Variants in COL24A1 observed in about 807,000 individuals in gnomAD.
COL24A1 encodes collagen alpha-1(XXIV) chain.
In COL24A1, 224 loss-of-function variants were observed where a neutral mutation model predicts 253.9. That is an observed-to-expected ratio of 0.88 (90% CI 0.79 to 0.99). COL24A1 has a LOEUF of 0.99. Among genes scored for constraint, COL24A1 ranks in the 50% least tolerant of loss-of-function variants. The pLI, the probability that COL24A1 is intolerant of heterozygous loss-of-function variation, is 0.00. For missense variants in COL24A1, 2,131 were observed against 2,068.5 expected, an observed-to-expected ratio of 1.03 and a Z score of -0.59; for synonymous variants, 685 against 673.7, an observed-to-expected ratio of 1.02 and a Z score of -0.26.
At chr1:85,857,458 CAAAAA>C (rs57368737) in intron 37 of COL24A1, among the ~76,000 whole-genome samples, 1 of 94,494 alleles carries the variant, frequency 1.1e-5, no homozygotes, top group Admixed American at 1.2e-4. Flanking sequence ...CCCTCTTCTC[CAAAAA>C]AAAAAAAAAA....
At chr1:85,769,000 A>ACC (rs1667674239) in intron 53 of COL24A1, among the ~76,000 whole-genome samples, 1 of 2,736 alleles carries the variant, frequency 3.7e-4, no homozygotes, top group Admixed American at 6.1e-3. Context: ...CACAGAATTC[A>ACC]ATAAATTCAA....
chr1:86,019,215 C>T (rs1697263353), intron 18 of COL24A1, among the ~76,000 whole-genome samples: 2 of 152,100 alleles, frequency 1.3e-5, no homozygotes, highest in African/African-American at 2.4e-5. Context: ...GTGTCTCCTT[C>T]TATAAGAAGG....
At chr1:86,141,125 G>A (rs1474684415) in intron 2 of COL24A1, among the ~76,000 whole-genome samples, 2 of 152,086 alleles carry the variant, frequency 1.3e-5, no homozygotes. Flanking sequence ...ACAAATTTTT[G>A]GAAAATGAAA....
intron 2 of COL24A1, among the ~76,000 whole-genome samples, chr1:86,129,560 C>T (rs1648837212): frequency 6.6e-6 from 1 of 151,552 alleles, no homozygotes; most frequent in Non-Finnish European, 1.5e-5. Flanking sequence ...TTCCTGAGTG[C>T]TGCTTTAGCT....
chr1:85,856,733 G>C (rs1678478473), intron 37 of COL24A1, among the ~76,000 whole-genome samples: 1 of 152,090 alleles, frequency 6.6e-6, no homozygotes, highest in South Asian at 2.1e-4. Context: ...TTAGTAAAAT[G>C]GTTTTCTTTC....
chr1:86,141,478 C>G (rs1035160699), intron 2 of COL24A1, among the ~76,000 whole-genome samples: 1 of 152,142 alleles, frequency 6.6e-6, no homozygotes, highest in East Asian at 1.9e-4. Context: ...ATCCTCCCCC[C>G]ATCAACCCAA....
At chr1:85,873,609 G>A (rs1336497613) in intron 35 of COL24A1, among the ~76,000 whole-genome samples, 2 of 152,174 alleles carry the variant, frequency 1.3e-5, no homozygotes, top group Non-Finnish European at 2.9e-5. Flanking sequence ...AACACTGCAT[G>A]TTCTCACTTA....
intron 18 of COL24A1, among the ~76,000 whole-genome samples, chr1:86,020,049 T>C (rs150772100): frequency 0.011 from 1,674 of 146,854 alleles, 28 homozygotes; most frequent in African/African-American, 0.041. Flanking sequence ...AAACTTTCTT[T>C]TTTCATTCTT....
chr1:86,017,594 T>C (rs542670616), intron 18 of COL24A1, among the ~76,000 whole-genome samples: 1 of 152,268 alleles, frequency 6.6e-6, no homozygotes, highest in East Asian at 1.9e-4. Flanking sequence ...AAAATTCCTC[T>C]CTCCTTTGAT....
intron 37 of COL24A1, among the ~76,000 whole-genome samples, chr1:85,860,285 C>T (rs1180735051): frequency 1.3e-5 from 2 of 152,098 alleles, no homozygotes; most frequent in East Asian, 1.9e-4. Flanking sequence ...AGTTGTGTAA[C>T]CATCACCAAA....
intron 17 of COL24A1, 43 bp downstream of exon 17, chr1:86,022,495 A>T (rs769261573): frequency 6.6e-7 from 1 of 1,526,106 alleles, no homozygotes; most frequent in Non-Finnish European, 9.0e-7. Context: ...TTTTGAATTT[A>T]CACTTTTTCA....
intron 46 of COL24A1, 48 bp from the exon 47 acceptor site, chr1:85,816,943 T>A: frequency 1.5e-6 from 2 of 1,314,052 alleles, no homozygotes; most frequent in Non-Finnish European, 2.2e-6. Flanking sequence ...GAAAAGATGT[T>A]AAGATGACAA....
chr1:85,997,553 C>T (rs1022428365), intron 19 of COL24A1, among the ~76,000 whole-genome samples: 3 of 151,926 alleles, frequency 2.0e-5, no homozygotes, highest in Non-Finnish European at 2.9e-5. Context: ...GGGAGGCCAA[C>T]TTGGGTGGAT....
intron 51 of COL24A1, among the ~76,000 whole-genome samples, 196 bp downstream of exon 51, chr1:85,783,300 G>A (rs1447848085): frequency 6.6e-6 from 1 of 151,336 alleles, no homozygotes; most frequent in Non-Finnish European, 1.5e-5. Context: ...GGAAGTACGG[G>A]TGGTCTATGA....
intron 5 of COL24A1, among the ~76,000 whole-genome samples, chr1:86,101,083 G>A (rs1254029232): frequency 6.6e-6 from 1 of 152,068 alleles, no homozygotes; most frequent in African/African-American, 2.4e-5. Context: ...CATCTGAAGT[G>A]TGGGAAGTCT....
intron 5 of COL24A1, among the ~76,000 whole-genome samples, chr1:86,100,388 G>T (rs1175230323): frequency 6.6e-6 from 1 of 152,026 alleles, no homozygotes; most frequent in African/African-American, 2.4e-5. Context: ...CTGTAAGGAA[G>T]GGAGGCAATT....
chr1:86,066,228 C>T, intron 7 of COL24A1, among the ~76,000 whole-genome samples: 1 of 142,212 alleles, frequency 7.0e-6, no homozygotes, highest in Admixed American at 7.1e-5. Context: ...TATCCTAAGT[C>T]TCCTTTTTTT....
chr1:85,810,626 C>G (rs1672434738), intron 47 of COL24A1, among the ~76,000 whole-genome samples: 1 of 151,988 alleles, frequency 6.6e-6, no homozygotes, highest in Admixed American at 6.6e-5. Context: ...TCCCTCATGG[C>G]TTGGTGCTGT....
chr1:85,978,643 A>T (rs1219345327), intron 20 of COL24A1, among the ~76,000 whole-genome samples: 2 of 152,224 alleles, frequency 1.3e-5, no homozygotes, highest in Non-Finnish European at 2.9e-5. Context: ...AAAATGTCAC[A>T]ATCCTCAATA....
Sources: gnomAD v4.1 joint callset for allele counts (sites outside exome capture counted in the v4.1 genomes callset) on GRCh38, gnomAD v4.1.1 for gene constraint, MANE v1.5 for transcripts, NCBI Gene and HGNC (gene_info 2026-07-23, HGNC 2026-07-21) for gene names.